Variants in UNC5D observed in about 807,000 individuals in gnomAD.
UNC5D encodes the protein netrin receptor UNC5D.
Under a neutral mutation model 105.4 loss-of-function variants are expected in UNC5D, and 39 were observed. The observed-to-expected ratio is 0.37, with a 90% CI of 0.29 to 0.48. The LOEUF is 0.48. Among genes scored for constraint, UNC5D ranks in the 20% least tolerant of loss-of-function variants. The pLI is 0.98. For synonymous variants in UNC5D, 452 were observed against 450.4 expected, an observed-to-expected ratio of 1.00 and a Z score of -0.04; for missense variants, 991 against 1,202.4, an observed-to-expected ratio of 0.82 and a Z score of 2.60.
chr8:35,458,396 A>C (rs1808642476), intron 1 of UNC5D, among the ~76,000 whole-genome samples: 1 of 152,126 alleles, frequency 6.6e-6, no homozygotes, highest in Admixed American at 6.6e-5. Context: ...GCTGAGGCTC[A>C]CCATGACTGG....
At chr8:35,399,798 A>G (rs1209076942) in intron 1 of UNC5D, among the ~76,000 whole-genome samples, 3 of 152,168 alleles carry the variant, frequency 2.0e-5, no homozygotes, top group East Asian at 3.9e-4. Flanking sequence ...CAGCAGAGCT[A>G]TCCTCAACTA....
At chr8:35,522,364 C>T (rs1813543579) in intron 1 of UNC5D, among the ~76,000 whole-genome samples, 1 of 152,110 alleles carries the variant, frequency 6.6e-6, no homozygotes, top group African/African-American at 2.4e-5. Flanking sequence ...AATCTAAATT[C>T]CCTCAAAGAT....
intron 8 of UNC5D, among the ~76,000 whole-genome samples, chr8:35,719,640 A>AATTC (rs1440544063): frequency 6.6e-6 from 1 of 152,198 alleles, no homozygotes; most frequent in Non-Finnish European, 1.5e-5. Context: ...GCCACGTGTT[A>AATTC]ATTCATCCAT....
chr8:35,715,650 T>G (rs1828213825), intron 8 of UNC5D, among the ~76,000 whole-genome samples: 1 of 151,672 alleles, frequency 6.6e-6, no homozygotes, highest in African/African-American at 2.4e-5. Context: ...GAGGGAAGGA[T>G]TTGGGGAGAG....
intron 1 of UNC5D, among the ~76,000 whole-genome samples, chr8:35,257,260 C>T (rs1429892166): frequency 3.9e-5 from 6 of 152,122 alleles, no homozygotes; most frequent in South Asian, 2.1e-4. Flanking sequence ...TCAGCCAACG[C>T]GCCCAGCCTG....
chr8:35,674,868 T>G (rs1021779708), intron 4 of UNC5D, among the ~76,000 whole-genome samples: 1 of 152,178 alleles, frequency 6.6e-6, no homozygotes, highest in African/African-American at 2.4e-5. Flanking sequence ...CAGTCTTGCT[T>G]TTTGTAAGAT....
rs1026134526 is a variant in UNC5D at position 35,726,515 on chromosome 8, T to G, written c.1667T>G (p.Val556Gly). The change falls in exon 10 of 17, where the codon GTA (valine) becomes GGA (glycine). Residue 556 changes from valine to glycine, a missense_variant. Transcript: ENST00000404895. ...GVFGHLGGRL[V>G]MPNTGVSLLI... ...TTTGGCCATTTAGGGGGGCGCTTAG[T>G]AATGCCAAATACAGGTGGGTGGTAA... 1.2e-6 allele frequency: 2 copies of G among 1,612,506 alleles called. No individual in the cohort carries two copies. The highest frequency in any genetic ancestry group is 2.7e-5 in the African/African-American group (2 of 75,050).
intron 8 of UNC5D, among the ~76,000 whole-genome samples, chr8:35,714,772 G>A (rs1563697010): frequency 6.6e-6 from 1 of 152,222 alleles, no homozygotes; most frequent in Non-Finnish European, 1.5e-5. Flanking sequence ...ACTTTACAGT[G>A]TATGGAAACA....
intron 1 of UNC5D, among the ~76,000 whole-genome samples, chr8:35,530,045 C>T (rs1203957607): frequency 1.3e-5 from 2 of 150,560 alleles, no homozygotes; most frequent in African/African-American, 4.8e-5. Context: ...ATTTCCTTCT[C>T]CTGCCTGATT....
At chr8:35,457,546 C>T (rs1203536158) in intron 1 of UNC5D, among the ~76,000 whole-genome samples, 1 of 152,174 alleles carries the variant, frequency 6.6e-6, no homozygotes, top group Admixed American at 6.5e-5. Context: ...TTTACCTTGT[C>T]ATGAATCATT....
At chr8:35,421,456 A>T (rs1404369478) in intron 1 of UNC5D, among the ~76,000 whole-genome samples, 1 of 152,248 alleles carries the variant, frequency 6.6e-6, no homozygotes, top group Non-Finnish European at 1.5e-5. Flanking sequence ...ATTAACAAAC[A>T]TATACCAGAT....
rs181150427 is a variant in UNC5D at position 35,286,382 on chromosome 8, G to A, written c.103+50495G>A. Among the ~76,000 whole-genome samples the A allele has an allele frequency of 7.0e-4, 107 of 152,238 alleles. 1 individual carries two copies. The highest frequency in any genetic ancestry group is 4.6e-3 in the Admixed American group (70 of 15,288). On this transcript the variant is annotated intron_variant, in intron 1 of 16. Coordinates refer to ENST00000404895, the MANE Select transcript of UNC5D (RefSeq NM_080872.4). ...ACAGTGTCATACTGTAGGAAACACC[G>A]CCCACAAGTCTTCTAGGCTTGAATT... is the stretch of plus-strand genomic sequence containing the variant.
chr8:35,280,010 T>C (rs1371647281), intron 1 of UNC5D, among the ~76,000 whole-genome samples: 1 of 152,194 alleles, frequency 6.6e-6, no homozygotes, highest in Non-Finnish European at 1.5e-5. Context: ...TCTTTCTTTT[T>C]TTTGAGACAG....
rs16884234 is a variant in UNC5D at position 35,685,092 on chromosome 8, A to G, written c.919+343A>G. Among the ~76,000 whole-genome samples the G allele has an allele frequency of 9.5e-3, 1,439 of 152,268 alleles. 23 individuals carry two copies. Among genetic ancestry groups the G allele is most frequent in the African/African-American group, 0.033 (1,390 of 41,562 alleles). On this transcript the variant is annotated intron_variant, in intron 6 of 16. Transcript: ENST00000404895. The stretch of plus-strand genomic sequence containing the variant: ...CTCCCATCTTGTGGCCTTTATTTGT[A>G]TAATAGTTAGCAGGGATTAGATAAG...
At chr8:35,391,618 C>T (rs1803779483) in intron 1 of UNC5D, among the ~76,000 whole-genome samples, 1 of 152,142 alleles carries the variant, frequency 6.6e-6, no homozygotes. Context: ...AACTATTGGT[C>T]AAGCAAAGCT....
chr8:35,406,380 G>C (rs990197323), intron 1 of UNC5D, among the ~76,000 whole-genome samples: 1 of 152,162 alleles, frequency 6.6e-6, no homozygotes, highest in East Asian at 1.9e-4. Flanking sequence ...ATTTTTTTAT[G>C]AAAATGAACT....
chr8:35,269,278 C>T (rs1367353916), intron 1 of UNC5D, among the ~76,000 whole-genome samples: 4 of 152,204 alleles, frequency 2.6e-5, no homozygotes, highest in Non-Finnish European at 5.9e-5. Flanking sequence ...ATTTGCCAAG[C>T]GTGCTCTAGT....
At chr8:35,675,221 C>A (rs2131297268) in intron 4 of UNC5D, among the ~76,000 whole-genome samples, 1 of 152,242 alleles carries the variant, frequency 6.6e-6, no homozygotes, top group East Asian at 1.9e-4. Context: ...GCTCTGGGAA[C>A]TAAAGCAAAG....
At chr8:35,639,001 T>G (rs1822547628) in intron 4 of UNC5D, among the ~76,000 whole-genome samples, 1 of 152,188 alleles carries the variant, frequency 6.6e-6, no homozygotes, top group Admixed American at 6.5e-5. Context: ...GTAGGCCAGA[T>G]TCAGGAAAAG....
Sources: allele counts gnomAD v4.1 joint callset (sites outside exome capture counted in the v4.1 genomes callset), GRCh38; gene constraint gnomAD v4.1.1; transcripts MANE v1.5; gene names NCBI Gene and HGNC (gene_info 2026-07-23, HGNC 2026-07-21).